ZNF226: variants seen among roughly 807,000 people sequenced by gnomAD.
ZNF226 encodes the protein zinc finger protein 226.
Under a neutral mutation model 11.4 loss-of-function variants are expected in ZNF226, and 6 were observed. The observed-to-expected ratio is 0.53, with a 90% confidence interval of 0.29 to 1.04. The LOEUF (loss-of-function observed/expected upper bound fraction) is 1.04. ZNF226 is among the 50% of genes least tolerant of loss of function. ZNF226 has a pLI of 0.08. For missense variants in ZNF226, 1,058 were observed against 956.5 expected (o/e 1.11, Z -1.40); for synonymous variants, 350 against 322.8 (o/e 1.08, Z -0.90).
downstream of ZNF226, among the ~76,000 whole-genome samples, chr19:44,179,307 ATATTT>A (rs1970871785): frequency 6.6e-6 from 1 of 152,188 alleles, no homozygotes; most frequent in Non-Finnish European, 1.5e-5. Context: ...TTTAACTTCT[ATATTT>A]TAATTTTTTA....
At chr19:44,198,491 A>T in the ZNF226 span, among the ~76,000 whole-genome samples, 1 of 152,244 alleles carries the variant, frequency 6.6e-6, no homozygotes, top group African/African-American at 2.4e-5. Flanking sequence ...CATATGTGTC[A>T]TGATTGTTTA....
rs1437023708 is a variant in ZNF226, at chr19:44,170,106, C to T, written c.15+11C>T. 2 of 1,611,950 alleles carry T rather than the reference C, an allele frequency of 1.2e-6. No individual in the cohort carries two copies. Among genetic ancestry groups the T allele is most frequent in the Non-Finnish European group, 1.7e-6 (2 of 1,178,800 alleles). ...ATGAATATGTTCAAGGTGAGTAGAG[C>T]TTGCCTTTCCCAGCTGTTAAAAATA... On this transcript the variant is annotated intron_variant, in intron 3 of 5. Coordinates refer to ENST00000337433, the MANE Select transcript of ZNF226 (RefSeq NM_001032373.2).
chr19:44,191,386 C>T, the ZNF226 span, among the ~76,000 whole-genome samples: 4 of 152,082 alleles, frequency 2.6e-5, no homozygotes, highest in African/African-American at 4.8e-5. Flanking sequence ...ACATCAGGAC[C>T]ATCAGACCTT....
At chr19:44,186,740 G>A in the ZNF226 span, among the ~76,000 whole-genome samples, 1 of 151,922 alleles carries the variant, frequency 6.6e-6, no homozygotes, top group Non-Finnish European at 1.5e-5. Context: ...GTGGTAAGTT[G>A]GGCATCCTTG....
the ZNF226 span, among the ~76,000 whole-genome samples, chr19:44,191,547 T>A: frequency 2.0e-5 from 3 of 152,170 alleles, no homozygotes; most frequent in African/African-American, 7.2e-5. Flanking sequence ...TGATACCTCC[T>A]TTAAGGTTCT....
At position 44,175,936 on chromosome 19, in the gene ZNF226, G is replaced by T. The variant is rs748051574; in HGVS notation, c.674G>T (p.Arg225Ile). 1.9e-6 allele frequency: 3 copies of T among 1,613,560 alleles called. No homozygotes were observed. Among genetic ancestry groups the T allele is most frequent in the South Asian group, 1.1e-5 (1 of 91,026 alleles). ...GTACACAAAAGTGAAAAATCTTATA[G>T]ACCCAATGATTATGAAAAAGACAAC... ...HRVHKSEKSY[R>I]PNDYEKDNMK... The change falls in exon 6 of 6, where the codon AGA (arginine) becomes ATA (isoleucine). Residue 225 changes from arginine to isoleucine, a missense_variant. Coordinates refer to ENST00000337433, the MANE Select transcript of ZNF226 (RefSeq NM_001032373.2).
At chr19:44,193,243 G>A in the ZNF226 span, among the ~76,000 whole-genome samples, 4 of 151,632 alleles carry the variant, frequency 2.6e-5, no homozygotes, top group African/African-American at 4.8e-5. Flanking sequence ...TTCTGTAGAA[G>A]AATATTATGT....
chr19:44,172,240 T>C, intron 4 of ZNF226, 26 bp downstream of exon 4: 1 of 1,601,834 alleles, frequency 6.2e-7, no homozygotes, highest in Non-Finnish European at 8.5e-7. Flanking sequence ...CTCTGGAATA[T>C]CTTTGTGCCC....
chr19:44,176,180 ACTT>A lies in ZNF226; in HGVS notation c.919_921del (p.Leu307del), dbSNP rs1438510089. On this transcript the variant is annotated inframe_deletion, in exon 6 of 6. Coordinates refer to ENST00000337433, the MANE Select transcript of ZNF226 (RefSeq NM_001032373.2). ...ATCAGAAAGTACATGTGGGAGAAAA[ACTT>A]AAGTGTGATGAGTGTGGTAAGGAAT... 5 of 1,614,018 alleles carry A rather than the reference ACTT, an allele frequency of 3.1e-6. No individual in the cohort carries two copies. The highest frequency in any genetic ancestry group is 3.4e-6 in the Non-Finnish European group (4 of 1,180,028).
intron 3 of ZNF226, among the ~76,000 whole-genome samples, chr19:44,170,965 T>C (rs937440632): frequency 1.3e-5 from 2 of 152,052 alleles, no homozygotes; most frequent in African/African-American, 4.8e-5. Context: ...CATAATCTCT[T>C]CATTGTATGT....
Position 44,176,171 on chromosome 19 carries a change from G to A in ZNF226, c.909G>A (p.Val303=). Residue 303 remains valine, a synonymous_variant, in exon 6 of 6, where the codon GTG becomes GTA. Coordinates refer to ENST00000337433, the MANE Select transcript of ZNF226 (RefSeq NM_001032373.2). The part of the protein sequence containing the change: ...PVLPVHQKVH[V]GEKLKCDECG... ...TTCCTGTTCATCAGAAAGTACATGTGGGAGAAAAACTTAAGTGTGATGAGT... is the reference window on the plus strand; with the variant it reads ...TTCCTGTTCATCAGAAAGTACATGTAGGAGAAAAACTTAAGTGTGATGAGT... 6.2e-7 allele frequency: 1 copy of A among 1,614,162 alleles called. No individual in the cohort carries two copies. The highest frequency in any genetic ancestry group is 1.1e-5 in the South Asian group (1 of 91,070).
Position 44,177,200 on chromosome 19 carries a change from A to G in ZNF226, c.1938A>G (p.Glu646=). 1 of 1,613,096 alleles carries G rather than the reference A, an allele frequency of 6.2e-7. No homozygotes were observed. Among genetic ancestry groups the G allele is most frequent in the Non-Finnish European group, 8.5e-7 (1 of 1,179,760 alleles). ...VHSGEKPFKC[E]ECGKSFGRSA... ...GTGGAGAAAAACCATTCAAATGTGA[A>G]GAATGTGGGAAGAGTTTCGGTCGGA... is the stretch of plus-strand genomic sequence containing the variant. The change falls in exon 6 of 6, where the codon GAA becomes GAG. Residue 646 remains glutamate (E), a synonymous_variant. Transcript: ENST00000337433.
chr19:44,165,341 T>G (rs759124874), intron 1 of ZNF226, 199 bp downstream of exon 1: 2 of 152,142 alleles, frequency 1.3e-5, no homozygotes, highest in African/African-American at 2.4e-5. Flanking sequence ...TGATGCTTCG[T>G]CGGGTTTGAA....
chr19:44,174,947 A>T, intron 5 of ZNF226: 1 of 1,595,256 alleles, frequency 6.3e-7, no homozygotes, highest in Non-Finnish European at 8.5e-7. Flanking sequence ...TCAACTTTGC[A>T]GCAAAACTGT....
At position 44,172,162 on chromosome 19, in the gene ZNF226, GA is replaced by G. The variant is rs745351345; in HGVS notation, c.92del (p.Lys31SerfsTer6). ...TGGGGCTGCTGGGCCCTGCCCAGAG[GA>G]AGCTGTACCGAGATGTGATGGTGGA... Reference protein sequence around the residue: ...ELGLLGPAQRKLYRDVMVENF... With the variant: ...ELGLLGPAQRXLYRDVMVENF... On this transcript the variant is annotated frameshift_variant, in exon 4 of 6. Transcript: ENST00000337433. LOFTEE classifies it high-confidence loss of function. The G allele has an allele frequency of 6.2e-7, 1 of 1,613,276 alleles. No homozygotes were observed. Among genetic ancestry groups the G allele is most frequent in the South Asian group, 1.1e-5 (1 of 91,072 alleles).
At chr19:44,178,614 A>T (rs946624565), downstream of ZNF226, among the ~76,000 whole-genome samples, 1 of 152,202 alleles carries the variant, frequency 6.6e-6, no homozygotes, top group African/African-American at 2.4e-5. Context: ...TTTTTGGAGC[A>T]TGACTTTCAC....
At chr19:44,196,729 T>G in the ZNF226 span, among the ~76,000 whole-genome samples, 1 of 152,348 alleles carries the variant, frequency 6.6e-6, no homozygotes, top group Non-Finnish European at 1.5e-5. Flanking sequence ...ATGAATTGTA[T>G]CCATTGGGCT....
At chr19:44,192,375 G>A in the ZNF226 span, among the ~76,000 whole-genome samples, 1 of 152,152 alleles carries the variant, frequency 6.6e-6, no homozygotes, top group Admixed American at 6.5e-5. Context: ...CCAAAGTTGA[G>A]GGAGAGGGTT....
the ZNF226 span, among the ~76,000 whole-genome samples, chr19:44,195,209 G>C: frequency 6.6e-6 from 1 of 152,174 alleles, no homozygotes. Flanking sequence ...ATTTAAGGTG[G>C]CCTTATAGCC....
Sources: allele counts gnomAD v4.1 joint callset (sites outside exome capture counted in the v4.1 genomes callset), GRCh38; gene constraint gnomAD v4.1.1; transcripts MANE v1.5; gene names NCBI Gene and HGNC (gene_info 2026-07-23, HGNC 2026-07-21).